The following YES1 variants were observed in gnomAD, a reference collection of about 807,000 sequenced individuals.
The protein encoded by YES1 is tyrosine-protein kinase Yes.
Under a neutral mutation model 70.4 loss-of-function variants are expected in YES1, and 39 were observed. The ratio of observed to expected loss-of-function variants is 0.55; its 90% CI spans 0.43 to 0.72. YES1 has a LOEUF of 0.72. Ranked by LOEUF, YES1 falls within the 30% of genes least tolerant of loss-of-function variation. The pLI, the probability that YES1 is intolerant of heterozygous loss-of-function variation, is 0.00. For synonymous variants in YES1, 198 were observed against 218.6 expected, an observed-to-expected ratio of 0.91 and a Z score of 0.83; for missense variants, 495 against 644.8, an observed-to-expected ratio of 0.77 and a Z score of 2.52.
At chr18:759,953 T>C (rs1017243601) in intron 1 of YES1, among the ~76,000 whole-genome samples, 8 of 147,260 alleles carry the variant, frequency 5.4e-5, no homozygotes, top group Non-Finnish European at 1.0e-4. Flanking sequence ...AGTGAGAACA[T>C]GCAGTGTTTG....
rs530446364 is a variant in YES1, at chr18:806,420, A to G, written c.-9+5694T>C. 3.9e-5 allele frequency among the ~76,000 whole-genome samples: 6 copies of G among 152,346 alleles called. No homozygotes were observed. In the South Asian group the frequency reaches 8.3e-4, roughly 21 times the overall value. ...AACAAAACCTTGAGAGCAAAAATCT[A>G]AAGAATTAACTTCGAGCTATGAAAA... On this transcript the variant is annotated intron_variant, in intron 1 of 11. Coordinates refer to ENST00000314574, the MANE Select transcript of YES1 (RefSeq NM_005433.4).
At chr18:796,596 G>A (rs934988036) in intron 1 of YES1, among the ~76,000 whole-genome samples, 2 of 151,892 alleles carry the variant, frequency 1.3e-5, no homozygotes, top group Non-Finnish European at 2.9e-5. Context: ...AGTGAAACCC[G>A]TCTCTACTAA....
At chr18:765,909 T>C (rs1904886005) in intron 1 of YES1, among the ~76,000 whole-genome samples, 1 of 152,192 alleles carries the variant, frequency 6.6e-6, no homozygotes, top group Non-Finnish European at 1.5e-5. Flanking sequence ...TGCAGTAAGT[T>C]GAAGAATAAT....
intron 1 of YES1, among the ~76,000 whole-genome samples, chr18:769,957 C>CT (rs10645789): frequency 0.051 from 7,369 of 144,492 alleles, 621 homozygotes; most frequent in African/African-American, 0.17. Context: ...TCTTCCTGTT[C>CT]TTTTTTTTTT....
intron 1 of YES1, among the ~76,000 whole-genome samples, chr18:764,770 T>C (rs369445166): frequency 1.3e-5 from 2 of 152,104 alleles, no homozygotes; most frequent in East Asian, 3.9e-4. Flanking sequence ...TCTCGTTCTG[T>C]CACCCAGGCT....
chr18:759,816 C>T (rs185554770), intron 1 of YES1, among the ~76,000 whole-genome samples: 2 of 151,714 alleles, frequency 1.3e-5, no homozygotes, highest in African/African-American at 4.8e-5. Context: ...CCCATTAACT[C>T]GTCATTTACA....
At chr18:777,582 G>A (rs920827412) in intron 1 of YES1, among the ~76,000 whole-genome samples, 5 of 152,130 alleles carry the variant, frequency 3.3e-5, no homozygotes, top group Admixed American at 2.6e-4. Flanking sequence ...TGAGGCAGGC[G>A]GATCACTTGA....
chr18:797,790 A>G (rs1407125492), intron 1 of YES1, among the ~76,000 whole-genome samples: 1 of 152,194 alleles, frequency 6.6e-6, no homozygotes, highest in Non-Finnish European at 1.5e-5. Flanking sequence ...TTCTTCTAAG[A>G]TATCTACCTG....
In YES1 at chr18:729,943, A is replaced by AC. The variant is rs533011883; in HGVS notation, c.1423+2890_1423+2891insG. Among the ~76,000 whole-genome samples, 382 of 152,214 alleles carry AC rather than the reference A, an allele frequency of 2.5e-3. 2 individuals carry two copies. Among genetic ancestry groups the AC allele is most frequent in the African/African-American group, 8.4e-3 (348 of 41,530 alleles). The stretch of plus-strand genomic sequence containing the variant: ...CCCAGCCAGATTTTGAACTCTTGAT[A>AC]ATCAGTCATCTCTTCCCTTCTTCAT... On this transcript the variant is annotated intron_variant, in intron 11 of 11. Transcript: ENST00000314574.
chr18:808,073 C>T (rs1349649434), intron 1 of YES1, among the ~76,000 whole-genome samples: 1 of 152,202 alleles, frequency 6.6e-6, no homozygotes, highest in African/African-American at 2.4e-5. Context: ...TTATTCTATA[C>T]TCTAAAATTA....
intron 11 of YES1, among the ~76,000 whole-genome samples, chr18:727,197 CTGT>C (rs1221399307): frequency 1.3e-5 from 2 of 152,046 alleles, no homozygotes; most frequent in Non-Finnish European, 2.9e-5. Flanking sequence ...TTTTGTTTCC[CTGT>C]TGAACTGACC....
At chr18:801,698 G>C (rs1393869019) in intron 1 of YES1, among the ~76,000 whole-genome samples, 2 of 152,176 alleles carry the variant, frequency 1.3e-5, no homozygotes, top group African/African-American at 4.8e-5. Context: ...TATATGTATA[G>C]AGAGTGTGTA....
At chr18:736,596 T>C (rs2080156157) in intron 10 of YES1, 1 of 506,376 alleles carries the variant, frequency 2.0e-6, no homozygotes, top group Non-Finnish European at 3.4e-6. Context: ...TTGCTCTATG[T>C]ATAATGCAAA....
chr18:760,468 T>A (rs1341076387), intron 1 of YES1, among the ~76,000 whole-genome samples: 2 of 151,578 alleles, frequency 1.3e-5, no homozygotes, highest in Non-Finnish European at 2.9e-5. Flanking sequence ...AGATTCTGTC[T>A]AAAAAAAACA....
intron 1 of YES1, among the ~76,000 whole-genome samples, chr18:789,889 G>GTCTCT: frequency 6.6e-6 from 1 of 151,860 alleles, no homozygotes; most frequent in East Asian, 1.9e-4. Context: ...GTGAAACCCC[G>GTCTCT]TCTCTATTAA....
intron 11 of YES1, among the ~76,000 whole-genome samples, chr18:728,732 G>A (rs536012832): frequency 6.6e-6 from 1 of 152,244 alleles, no homozygotes; most frequent in Admixed American, 6.5e-5. Context: ...CACTACATTG[G>A]CCAGGATGGT....
At chr18:758,068 A>G (rs1419251913) in intron 1 of YES1, among the ~76,000 whole-genome samples, 3 of 152,210 alleles carry the variant, frequency 2.0e-5, no homozygotes, top group African/African-American at 7.2e-5. Flanking sequence ...TGTGAGCCAC[A>G]TAATTTTAAA....
At chr18:725,879 A>G (rs1188939823) in intron 11 of YES1, among the ~76,000 whole-genome samples, 2 of 152,096 alleles carry the variant, frequency 1.3e-5, no homozygotes, top group Non-Finnish European at 2.9e-5. Context: ...GCGAGACTCC[A>G]TCTCGCGGGG....
intron 9 of YES1, chr18:738,197 T>C (rs910901110): frequency 2.0e-5 from 3 of 152,102 alleles, no homozygotes; most frequent in South Asian, 2.1e-4. Flanking sequence ...CTGTGGACAT[T>C]TGGAGGCTAG....
Sources: gnomAD v4.1 joint callset for allele counts (sites outside exome capture counted in the v4.1 genomes callset) on GRCh38, gnomAD v4.1.1 for gene constraint, MANE v1.5 for transcripts, NCBI Gene and HGNC (gene_info 2026-07-23, HGNC 2026-07-21) for gene names.